Variants in PTPRM observed in about 807,000 individuals in gnomAD.
The protein encoded by PTPRM is protein tyrosine phosphatase receptor type M, also known as receptor-type tyrosine-protein phosphatase mu.
A neutral mutation model predicts 186.7 loss-of-function variants in PTPRM; 47 were observed. The observed-to-expected ratio is 0.25, with a 90% confidence interval of 0.20 to 0.32. The LOEUF (loss-of-function observed/expected upper bound fraction) is 0.32. Ranked by LOEUF, PTPRM falls within the 10% of genes least tolerant of loss-of-function variation. The pLI is 1.00. For synonymous variants in PTPRM, 668 were observed against 674.9 expected (o/e 0.99, Z 0.16); for missense variants, 1,494 against 1,865.0 (o/e 0.80, Z 3.66).
intron 1 of PTPRM, among the ~76,000 whole-genome samples, chr18:7,614,587 G>A (rs73387550): frequency 0.05 from 7,651 of 152,196 alleles, 316 homozygotes; most frequent in East Asian, 0.12. Flanking sequence ...TCACTTATAG[G>A]CAGCCAATCT....
intron 22 of PTPRM, among the ~76,000 whole-genome samples, chr18:8,337,453 A>G (rs1026924501): frequency 6.6e-6 from 1 of 152,184 alleles, no homozygotes; most frequent in Non-Finnish European, 1.5e-5. Flanking sequence ...TTACATCTCT[A>G]CTATACCTCA....
intron 2 of PTPRM, among the ~76,000 whole-genome samples, chr18:7,797,056 C>G (rs1378379276): frequency 2.0e-5 from 3 of 152,210 alleles, no homozygotes; most frequent in Non-Finnish European, 4.4e-5. Flanking sequence ...CCATGACAGA[C>G]TCAGCTCCAC....
rs1297219678 is a variant in PTPRM, at chr18:7,668,236, C to A, written c.73+100345C>A. ...GTGCCCGCAGACGCTGCTTCGTGTC[C>A]CCCATGACAGCTCTGGTGTGAATAG... On this transcript the variant is annotated intron_variant, in intron 1 of 32. Coordinates refer to ENST00000580170, the MANE Select transcript of PTPRM (RefSeq NM_001105244.2). The surrounding 1 kb of genome is among the most constrained non-coding windows in gnomAD (Gnocchi z 4.7). Among the ~76,000 whole-genome samples, 1 of 152,100 alleles carries A rather than the reference C, an allele frequency of 6.6e-6. No homozygotes were observed. Among genetic ancestry groups the A allele is most frequent in the African/African-American group, 2.4e-5 (1 of 41,398 alleles).
At chr18:8,264,678 G>C (rs2094678160) in intron 19 of PTPRM, among the ~76,000 whole-genome samples, 1 of 151,376 alleles carries the variant, frequency 6.6e-6, no homozygotes, top group Non-Finnish European at 1.5e-5. Context: ...CTGAGGCAGG[G>C]GAATCACTTG....
Position 7,629,716 on chromosome 18 carries a change from AT to A in PTPRM, c.73+61829del, listed in dbSNP as rs367987715. Among the ~76,000 whole-genome samples, 101 of 152,284 alleles carry A rather than the reference AT, an allele frequency of 6.6e-4. 2 individuals are homozygous for A. In the East Asian group the frequency reaches 0.019, roughly 28 times the overall value. ...AAAGATTTTAAGCACAACTGAAACCATTTTAGCCTAGAGTAACATAGGGTAA... is the reference window on the plus strand; with the variant it reads ...AAAGATTTTAAGCACAACTGAAACCATTTAGCCTAGAGTAACATAGGGTAA... On this transcript the variant is annotated intron_variant, in intron 1 of 32. Transcript: ENST00000580170.
chr18:8,302,206 G>A (rs975037065), intron 20 of PTPRM, among the ~76,000 whole-genome samples: 1 of 152,192 alleles, frequency 6.6e-6, no homozygotes, highest in Non-Finnish European at 1.5e-5. Flanking sequence ...TGAGTGAGGA[G>A]GTATGGGAAG....
intron 4 of PTPRM, among the ~76,000 whole-genome samples, chr18:7,914,925 A>G (rs1004733186): frequency 2.0e-5 from 3 of 152,156 alleles, no homozygotes; most frequent in Non-Finnish European, 4.4e-5. Context: ...AACCTATGCC[A>G]TTACATTAAA....
intron 3 of PTPRM, among the ~76,000 whole-genome samples, chr18:7,893,298 G>A (rs929689153): frequency 3.9e-5 from 6 of 152,104 alleles, no homozygotes; most frequent in Non-Finnish European, 7.4e-5. Flanking sequence ...AACGTTTAAC[G>A]ACTGGATGGC....
chr18:7,674,185 G>A (rs1300956855), intron 1 of PTPRM, among the ~76,000 whole-genome samples: 2 of 152,176 alleles, frequency 1.3e-5, no homozygotes, highest in African/African-American at 4.8e-5. Flanking sequence ...AACACTGATG[G>A]TGGGTCCCAC....
chr18:8,391,924 T>C (rs2095815334), intron 31 of PTPRM, among the ~76,000 whole-genome samples: 1 of 152,194 alleles, frequency 6.6e-6, no homozygotes, highest in South Asian at 2.1e-4. Flanking sequence ...GCCCTGGAAC[T>C]ACCTACCGAT....
At chr18:8,101,664 G>A (rs973663542) in intron 11 of PTPRM, among the ~76,000 whole-genome samples, 3 of 152,196 alleles carry the variant, frequency 2.0e-5, no homozygotes, top group African/African-American at 7.2e-5. Context: ...AAAGCACTGA[G>A]GTTCAGGGAG....
intron 23 of PTPRM, among the ~76,000 whole-genome samples, chr18:8,347,549 G>A (rs1368633089): frequency 2.0e-5 from 3 of 152,216 alleles, no homozygotes; most frequent in Non-Finnish European, 1.5e-5. Flanking sequence ...AGCGACCTGG[G>A]TTTAGAAAAG....
chr18:7,845,819 C>T (rs968927624), intron 2 of PTPRM, among the ~76,000 whole-genome samples: 3 of 152,008 alleles, frequency 2.0e-5, no homozygotes, highest in African/African-American at 7.3e-5. Flanking sequence ...AAGCCAACTC[C>T]AAGGTGCAGA....
intron 2 of PTPRM, among the ~76,000 whole-genome samples, chr18:7,863,421 C>T (rs910459273): frequency 1.4e-4 from 22 of 152,052 alleles, no homozygotes; most frequent in African/African-American, 5.3e-4. Flanking sequence ...CATCGTTCGA[C>T]TCCCTCTTAT....
At chr18:7,761,241 A>T (rs1161885369) in intron 1 of PTPRM, among the ~76,000 whole-genome samples, 4 of 152,222 alleles carry the variant, frequency 2.6e-5, no homozygotes, top group Non-Finnish European at 4.4e-5. Flanking sequence ...TTAAAAAATT[A>T]ATAAGGAAAA....
chr18:7,643,828 G>A (rs2144205033), intron 1 of PTPRM, among the ~76,000 whole-genome samples: 1 of 152,038 alleles, frequency 6.6e-6, no homozygotes, highest in South Asian at 2.1e-4. Flanking sequence ...TTTTTCTTTT[G>A]ACCATTGTGC....
At chr18:8,143,577 T>A in intron 13 of PTPRM, 70 bp from the exon 14 acceptor site, 1 of 1,500,386 alleles carries the variant, frequency 6.7e-7, no homozygotes, top group Non-Finnish European at 9.2e-7. Flanking sequence ...GCAGCGAAAT[T>A]TTTTAAACTG....
intron 1 of PTPRM, among the ~76,000 whole-genome samples, chr18:7,768,874 G>A (rs1009586525): frequency 1.3e-5 from 2 of 151,936 alleles, no homozygotes; most frequent in African/African-American, 2.4e-5. Context: ...TTGAATTCCC[G>A]ATCTCAGGTG....
intron 31 of PTPRM, among the ~76,000 whole-genome samples, chr18:8,392,353 G>A (rs535552495): frequency 6.0e-4 from 92 of 152,178 alleles, no homozygotes; most frequent in Admixed American, 1.1e-3. Flanking sequence ...GGCCGGGCGC[G>A]GTGGCTCACA....
Sources: gnomAD v4.1 joint callset for allele counts (sites outside exome capture counted in the v4.1 genomes callset) on GRCh38, gnomAD v4.1.1 for gene constraint, Gnocchi (gnomAD v3.1) non-coding constraint, MANE v1.5 for transcripts, NCBI Gene and HGNC (gene_info 2026-07-23, HGNC 2026-07-21) for gene names.